SLC30A9: variants seen among roughly 807,000 people sequenced by gnomAD.
SLC30A9 encodes proton-coupled zinc antiporter SLC30A9, mitochondrial.
SLC30A9 carries 58 observed loss-of-function variants against 87.5 expected under a neutral mutation model. The ratio of observed to expected loss-of-function variants is 0.66; its 90% CI spans 0.54 to 0.82. The LOEUF (loss-of-function observed/expected upper bound fraction) is 0.82. Ranked by LOEUF, SLC30A9 falls within the 40% of genes least tolerant of loss-of-function variation. The pLI is 0.00. For missense variants in SLC30A9, 557 were observed against 679.1 expected, an observed-to-expected ratio of 0.82 and a Z score of 2.00; for synonymous variants, 234 against 233.0, an observed-to-expected ratio of 1.00 and a Z score of -0.04.
intron 8 of SLC30A9, among the ~76,000 whole-genome samples, chr4:42,045,035 C>T (rs1195656752): frequency 6.6e-6 from 1 of 152,082 alleles, no homozygotes; most frequent in Non-Finnish European, 1.5e-5. Context: ...CACAGTGTAC[C>T]AGAATCTCTG....
intron 17 of SLC30A9, among the ~76,000 whole-genome samples, chr4:42,085,036 A>G (rs1378202578): frequency 1.3e-5 from 2 of 152,104 alleles, no homozygotes; most frequent in African/African-American, 4.8e-5. Flanking sequence ...ATTTTTAACA[A>G]CCTGATTTCT....
At chr4:41,992,323 AGAGT>A (rs1410374365) in intron 1 of SLC30A9, among the ~76,000 whole-genome samples, 3 of 151,818 alleles carry the variant, frequency 2.0e-5, no homozygotes, top group Non-Finnish European at 4.4e-5. Flanking sequence ...CCTGGGTGAC[AGAGT>A]GAGACCTGTC....
intron 6 of SLC30A9, among the ~76,000 whole-genome samples, chr4:42,034,087 A>C (rs1264671674): frequency 3.9e-5 from 1 of 25,930 alleles, no homozygotes; most frequent in African/African-American, 4.8e-5. Context: ...TAATACAAAA[A>C]TTTGAGAAAA....
chr4:42,037,512 T>C (rs1036476319), intron 7 of SLC30A9, among the ~76,000 whole-genome samples: 3 of 152,102 alleles, frequency 2.0e-5, no homozygotes, highest in Non-Finnish European at 4.4e-5. Flanking sequence ...CTGCTTAATA[T>C]ATTTAACTCC....
At chr4:42,053,389 A>G (rs1231824122) in intron 9 of SLC30A9, among the ~76,000 whole-genome samples, 1 of 152,156 alleles carries the variant, frequency 6.6e-6, no homozygotes, top group African/African-American at 2.4e-5. Context: ...ATGGTCCCAA[A>G]AGATTTGTAT....
chr4:42,027,130 G>A (rs1340449524), intron 6 of SLC30A9, among the ~76,000 whole-genome samples: 3 of 152,126 alleles, frequency 2.0e-5, no homozygotes, highest in Non-Finnish European at 4.4e-5. Context: ...AAATTGGTCT[G>A]CTGCCTGTTT....
intron 9 of SLC30A9, among the ~76,000 whole-genome samples, chr4:42,050,131 A>G (rs1717327642): frequency 6.6e-6 from 1 of 152,176 alleles, no homozygotes; most frequent in Non-Finnish European, 1.5e-5. Context: ...GACAAGGATA[A>G]AAATAACGTG....
intron 1 of SLC30A9, among the ~76,000 whole-genome samples, chr4:42,000,579 A>G (rs1714938671): frequency 6.6e-6 from 1 of 152,080 alleles, no homozygotes; most frequent in Non-Finnish European, 1.5e-5. Context: ...TAGGCCGGAA[A>G]CTTGAGTGAA....
chr4:42,066,990 C>A, intron 13 of SLC30A9, 95 bp from the exon 14 acceptor site: 1 of 743,450 alleles, frequency 1.3e-6, no homozygotes, highest in Non-Finnish European at 2.3e-6. Flanking sequence ...TAACTTATAT[C>A]TTGATTTTAA....
chr4:42,078,366 C>G (rs577364446), intron 17 of SLC30A9, 41 bp downstream of exon 17: 2 of 1,096,568 alleles, frequency 1.8e-6, no homozygotes, highest in Non-Finnish European at 2.8e-6. Context: ...ATAATGGCAG[C>G]TATTTTTTTG....
At chr4:42,054,062 T>C (rs534774160) in intron 9 of SLC30A9, among the ~76,000 whole-genome samples, 85 of 152,284 alleles carry the variant, frequency 5.6e-4, no homozygotes, top group Middle Eastern at 6.8e-3. Flanking sequence ...CAACCAGAAC[T>C]GTACATTCTG....
At chr4:42,019,833 A>C (rs1379930643) in intron 3 of SLC30A9, among the ~76,000 whole-genome samples, 4 of 151,988 alleles carry the variant, frequency 2.6e-5, no homozygotes, top group African/African-American at 7.2e-5. Context: ...CTGACTTTGT[A>C]GCCCAGGCTG....
chr4:42,009,542 A>G (rs1263783289), intron 2 of SLC30A9, among the ~76,000 whole-genome samples: 1 of 152,246 alleles, frequency 6.6e-6, no homozygotes, highest in Admixed American at 6.5e-5. Context: ...ACAAATGTCT[A>G]GCGATATTCA....
intron 17 of SLC30A9, among the ~76,000 whole-genome samples, chr4:42,084,694 A>T (rs947451335): frequency 6.6e-6 from 1 of 151,992 alleles, no homozygotes; most frequent in Non-Finnish European, 1.5e-5. Flanking sequence ...GATGGTCTTG[A>T]TCTCTTGACC....
intron 2 of SLC30A9, among the ~76,000 whole-genome samples, chr4:42,005,543 A>G (rs1278768951): frequency 2.0e-5 from 3 of 151,892 alleles, no homozygotes; most frequent in African/African-American, 7.3e-5. Context: ...CCCCTGTTAG[A>G]CTCCTTATCT....
intron 1 of SLC30A9, among the ~76,000 whole-genome samples, chr4:41,996,431 G>A (rs1043671914): frequency 5.3e-5 from 8 of 151,984 alleles, no homozygotes; most frequent in African/African-American, 1.9e-4. Flanking sequence ...TAGAAAAAGA[G>A]GAGTGTTTTA....
rs1235920765 is a variant in SLC30A9 at position 42,066,637 on chromosome 4, A to T, written c.1144+16A>T. On this transcript the variant is annotated intron_variant, in intron 13 of 17. Coordinates refer to ENST00000264451, the MANE Select transcript of SLC30A9 (RefSeq NM_006345.4). ...TACAAGTATGGTATGTATTTTAGAA[A>T]CCAAGTGTTTGTTTCACCTCCCTTA... 8 of 1,578,464 alleles carry T rather than the reference A, an allele frequency of 5.1e-6. No individual in the cohort carries two copies. Among genetic ancestry groups the T allele is most frequent in the Non-Finnish European group, 6.9e-6 (8 of 1,152,230 alleles).
At chr4:42,044,745 A>G (rs987729084) in intron 8 of SLC30A9, among the ~76,000 whole-genome samples, 1 of 152,218 alleles carries the variant, frequency 6.6e-6, no homozygotes, top group Admixed American at 6.5e-5. Context: ...TCTCAACCCC[A>G]AGTCAACAGA....
At chr4:42,028,800 T>C (rs1185294155) in intron 6 of SLC30A9, among the ~76,000 whole-genome samples, 1 of 152,190 alleles carries the variant, frequency 6.6e-6, no homozygotes, top group Non-Finnish European at 1.5e-5. Flanking sequence ...GAGCTCAGGA[T>C]TGAAAAATTC....
Sources: gnomAD v4.1 joint callset for allele counts (sites outside exome capture counted in the v4.1 genomes callset) on GRCh38, gnomAD v4.1.1 for gene constraint, MANE v1.5 for transcripts, NCBI Gene and HGNC (gene_info 2026-07-23, HGNC 2026-07-21) for gene names.